ARHGEF12: variants seen among roughly 807,000 people sequenced by gnomAD.
The protein encoded by ARHGEF12 is Rho guanine nucleotide exchange factor 12.
In ARHGEF12, 66 loss-of-function variants were observed where a neutral mutation model predicts 211.2. The observed-to-expected ratio is 0.31, with a 90% CI of 0.26 to 0.38. ARHGEF12 has a LOEUF of 0.38. ARHGEF12 is among the 10% of genes least tolerant of loss of function. The pLI, the probability that ARHGEF12 is intolerant of heterozygous loss-of-function variation, is 1.00. For synonymous variants in ARHGEF12, 592 were observed against 638.4 expected, an observed-to-expected ratio of 0.93 and a Z score of 1.09; for missense variants, 1,429 against 1,869.5, an observed-to-expected ratio of 0.76 and a Z score of 4.34.
At chr11:120,465,155 A>G (rs1204038015) in intron 27 of ARHGEF12, 82 bp from the exon 28 acceptor site, 3 of 1,552,992 alleles carry the variant, frequency 1.9e-6, no homozygotes, top group Middle Eastern at 1.7e-4. Flanking sequence ...TATTGAAAGG[A>G]TTCTGGTTGT....
At chr11:120,473,677 T>G (rs1235382206) in intron 31 of ARHGEF12, among the ~76,000 whole-genome samples, 1 of 152,238 alleles carries the variant, frequency 6.6e-6, no homozygotes, top group East Asian at 1.9e-4. Flanking sequence ...ATTACAGGCA[T>G]GAGCCACTAT....
At chr11:120,348,908 A>T (rs974076488) in intron 1 of ARHGEF12, among the ~76,000 whole-genome samples, 4 of 152,184 alleles carry the variant, frequency 2.6e-5, no homozygotes, top group African/African-American at 7.2e-5. Flanking sequence ...ACATTAATGA[A>T]TTCTGTGTTT....
In ARHGEF12 at chr11:120,429,598, A is replaced by C. The variant is rs1016173618; in HGVS notation, c.663+81A>C. On this transcript the variant is annotated intron_variant, in intron 9 of 40. Coordinates refer to ENST00000397843, the MANE Select transcript of ARHGEF12 (RefSeq NM_015313.3). ...GTTGAGTTGGTGTTTATCAGTCACAATCAAGCAGCATTGTAACCAATGCCA... is the reference window on the plus strand; with the variant it reads ...GTTGAGTTGGTGTTTATCAGTCACACTCAAGCAGCATTGTAACCAATGCCA... 5 of 1,569,786 alleles carry C rather than the reference A, an allele frequency of 3.2e-6. No individual in the cohort carries two copies. In the Admixed American group the frequency reaches 8.7e-5, roughly 27 times the overall value.
At chr11:120,451,389 G>A in intron 21 of ARHGEF12, 123 bp from the exon 22 acceptor site, 1 of 793,360 alleles carries the variant, frequency 1.3e-6, no homozygotes, top group Non-Finnish European at 2.0e-6. Context: ...ATATTAGCCA[G>A]GATGGTCTCG....
chr11:120,386,375 A>G (rs1480942805), intron 1 of ARHGEF12, among the ~76,000 whole-genome samples: 2 of 152,190 alleles, frequency 1.3e-5, no homozygotes, highest in African/African-American at 2.4e-5. Flanking sequence ...GACATTAAAA[A>G]GCATTTAAGT....
At position 120,489,340 on chromosome 11, in the gene ARHGEF12, TGTG is replaced by T. The variant is rs1025374164; in HGVS notation, c.*4267_*4269del. The stretch of plus-strand genomic sequence containing the variant: ...TTTTGGTATATTATTGATTTTTAAT[TGTG>T]GTGAAATATATATATAACAAAATTT... On this transcript the variant is annotated 3_prime_UTR_variant, in exon 41 of 41. Transcript: ENST00000397843. 6 of 225,256 alleles carry T rather than the reference TGTG, an allele frequency of 2.7e-5. No homozygotes were observed. Among genetic ancestry groups the T allele is most frequent in the African/African-American group, 1.3e-4 (6 of 44,902 alleles). The allele number at this position is 225,256 out of a possible 1,614,324, so 14.0% of individuals were successfully genotyped here.
chr11:120,351,504 C>T (rs186628505), intron 1 of ARHGEF12, among the ~76,000 whole-genome samples: 1,499 of 118,994 alleles, frequency 0.013, 68 homozygotes, highest in Middle Eastern at 0.048. Context: ...CGCTCTGTTG[C>T]CCAGGCTGGA....
Position 120,451,523 on chromosome 11 carries a change from A to G in ARHGEF12, c.1855A>G (p.Met619Val). 2 of 1,614,118 alleles carry G rather than the reference A, an allele frequency of 1.2e-6. No homozygotes were observed. Among genetic ancestry groups the G allele is most frequent in the East Asian group, 2.2e-5 (1 of 44,874 alleles). ...RHDNSAIGRA[M>V]ELQKARHPKH... is the part of the protein sequence containing the mutation. The stretch of plus-strand genomic sequence containing the variant: ...CATTTTCTGATCAGTTGGCAGAGCC[A>G]TGGAACTACAGAAGGCGCGCCACCC... The change falls in exon 22 of 41, where the codon ATG becomes GTG. Residue 619 changes from methionine (M) to valine (V), a missense_variant. By Grantham distance (21) the Met-to-Val change is conservative. Transcript: ENST00000397843.
At chr11:120,472,970 A>T in intron 30 of ARHGEF12, 80 bp from the exon 31 acceptor site, 2 of 1,396,766 alleles carry the variant, frequency 1.4e-6, no homozygotes, top group Non-Finnish European at 2.0e-6. Context: ...GGAGATTTTA[A>T]ATGCCAAGTT....
chr11:120,477,680 C>A, intron 36 of ARHGEF12, 154 bp downstream of exon 36: 2 of 592,614 alleles, frequency 3.4e-6, no homozygotes, highest in Non-Finnish European at 5.7e-6. Context: ...ACCTGACCAA[C>A]ATGACAAAAC....
At chr11:120,447,769 T>C (rs1649486865) in intron 18 of ARHGEF12, 105 bp from the exon 19 acceptor site, 1 of 732,086 alleles carries the variant, frequency 1.4e-6, no homozygotes, top group South Asian at 1.8e-5. Context: ...TGAGCCAGGA[T>C]CATGCCATTG....
chr11:120,411,274 A>G (rs1279847741), intron 4 of ARHGEF12: 1 of 152,170 alleles, frequency 6.6e-6, no homozygotes, highest in East Asian at 1.9e-4. Flanking sequence ...AGTTGATTAG[A>G]ACAGAATTAG....
chr11:120,421,539 G>A (rs2135674980), intron 5 of ARHGEF12, among the ~76,000 whole-genome samples: 1 of 145,866 alleles, frequency 6.9e-6, no homozygotes, highest in East Asian at 2.2e-4. Context: ...CTGGGTTAAA[G>A]CGACTCTCCT....
In ARHGEF12 at chr11:120,383,542, A is replaced by G. The variant is rs139239119; in HGVS notation, c.33-22576A>G. On this transcript the variant is annotated intron_variant, in intron 1 of 40. Coordinates refer to ENST00000397843, the MANE Select transcript of ARHGEF12 (RefSeq NM_015313.3). Reference sequence around the variant, plus strand: ...TGTGGGTGATGGGAAACAATGACAGATCATCAAGCATTAGATTTTCATAAG... The same window carrying G: ...TGTGGGTGATGGGAAACAATGACAGGTCATCAAGCATTAGATTTTCATAAG... 1.9e-3 allele frequency among the ~76,000 whole-genome samples: 285 copies of G among 152,250 alleles called. 7 individuals carry two copies. In the Middle Eastern group the frequency reaches 0.024, roughly 13 times the overall value.
chr11:120,412,834 T>C (rs1399092296), intron 4 of ARHGEF12, among the ~76,000 whole-genome samples: 1 of 152,202 alleles, frequency 6.6e-6, no homozygotes, highest in African/African-American at 2.4e-5. Context: ...TAAAGTTATA[T>C]TTGACTTCTC....
intron 3 of ARHGEF12, chr11:120,409,159 GT>G (rs1944807976): frequency 2.0e-6 from 1 of 507,470 alleles, no homozygotes; most frequent in East Asian, 3.3e-5. Flanking sequence ...CTATTCATGT[GT>G]TGTTTTGTTT....
At chr11:120,471,717 T>C (rs1946875190) in intron 30 of ARHGEF12, among the ~76,000 whole-genome samples, 1 of 152,194 alleles carries the variant, frequency 6.6e-6, no homozygotes. Flanking sequence ...GATGGACTGA[T>C]GGATAGAGGG....
intron 1 of ARHGEF12, among the ~76,000 whole-genome samples, chr11:120,368,776 T>G (rs1943505008): frequency 1.3e-5 from 2 of 152,192 alleles, no homozygotes; most frequent in Non-Finnish European, 1.5e-5. Context: ...TGTGCAGGTT[T>G]GTTATATCAG....
intron 34 of ARHGEF12, 138 bp from the exon 35 acceptor site, chr11:120,477,081 T>G (rs1043281132): frequency 1.8e-5 from 12 of 662,008 alleles, no homozygotes; most frequent in African/African-American, 1.1e-4. Flanking sequence ...CAGAGTGGGT[T>G]TTGTTGTTGT....
Sources: allele counts gnomAD v4.1 joint callset (sites outside exome capture counted in the v4.1 genomes callset), GRCh38; gene constraint gnomAD v4.1.1; transcripts MANE v1.5; gene names NCBI Gene and HGNC (gene_info 2026-07-23, HGNC 2026-07-21).